Variants in FAM184A observed in about 807,000 individuals in gnomAD.
The protein encoded by FAM184A is protein FAM184A.
In FAM184A, 99 loss-of-function variants were observed where a neutral mutation model predicts 143.8. The observed-to-expected ratio is 0.69, with a 90% CI of 0.58 to 0.81. The LOEUF is 0.81. Among genes scored for constraint, FAM184A ranks in the 40% least tolerant of loss-of-function variants. The pLI is 0.00. For missense variants in FAM184A, 1,217 were observed against 1,310.5 expected, an observed-to-expected ratio of 0.93 and a Z score of 1.10; for synonymous variants, 427 against 446.4, an observed-to-expected ratio of 0.96 and a Z score of 0.55.
At chr6:119,143,022 G>A (rs572576047) in intron 1 of FAM184A, among the ~76,000 whole-genome samples, 1 of 152,194 alleles carries the variant, frequency 6.6e-6, no homozygotes, top group African/African-American at 2.4e-5. Flanking sequence ...AACTAGGAGG[G>A]AGGTATGGGG....
intron 9 of FAM184A, among the ~76,000 whole-genome samples, chr6:118,992,955 TAATG>T (rs1213901791): frequency 6.6e-5 from 10 of 152,300 alleles, no homozygotes; most frequent in African/African-American, 2.2e-4. Flanking sequence ...AAATTTTAAT[TAATG>T]AATTTTGTTT....
chr6:119,144,703 C>T (rs1329730650), intron 1 of FAM184A, among the ~76,000 whole-genome samples: 2 of 152,244 alleles, frequency 1.3e-5, no homozygotes, highest in Admixed American at 6.5e-5. Context: ...TTTCTATGGA[C>T]TGTCCCTGCC....
chr6:119,066,184 T>C (rs1170036120), intron 1 of FAM184A, among the ~76,000 whole-genome samples: 1 of 152,202 alleles, frequency 6.6e-6, no homozygotes, highest in African/African-American at 2.4e-5. Context: ...GGTAACAATT[T>C]AACACCAAGT....
At chr6:119,056,739 C>T (rs1459217104) in intron 1 of FAM184A, among the ~76,000 whole-genome samples, 1 of 152,146 alleles carries the variant, frequency 6.6e-6, no homozygotes, top group East Asian at 1.9e-4. Flanking sequence ...CCAACCATCA[C>T]AAACATTCTG....
At chr6:118,966,981 G>T in intron 14 of FAM184A, 29 bp from the exon 15 acceptor site, 2 of 1,075,860 alleles carry the variant, frequency 1.9e-6, no homozygotes, top group Non-Finnish European at 2.8e-6. Flanking sequence ...TTAGCTCATT[G>T]ATATCACTCA....
chr6:119,017,918 G>A (rs935863892), intron 4 of FAM184A, among the ~76,000 whole-genome samples: 18 of 151,974 alleles, frequency 1.2e-4, no homozygotes, highest in East Asian at 9.6e-4. Context: ...CCTCTCTCTC[G>A]CTCTCTCTCT....
rs140274328 is a variant in FAM184A at position 118,990,507 on chromosome 6, T to C, written c.2089-10157A>G. On this transcript the variant is annotated intron_variant, in intron 9 of 17. Coordinates refer to ENST00000338891, the MANE Select transcript of FAM184A (RefSeq NM_024581.6). ...CCTGGCATGGCAATTGGTAAAGGCA[T>C]AGTAGTGCTGCTGGGTGGCAATACC... 1.0e-3 allele frequency among the ~76,000 whole-genome samples: 159 copies of C among 152,292 alleles called. No individual in the cohort carries two copies. The East Asian group carries it at 0.027, about 26-fold the overall frequency.
intron 1 of FAM184A, among the ~76,000 whole-genome samples, chr6:119,147,654 T>G (rs1772496876): frequency 1.3e-5 from 2 of 152,256 alleles, no homozygotes; most frequent in Admixed American, 1.3e-4. Flanking sequence ...GAAGCCAGGC[T>G]GCTGTCTCTG....
rs1162206616 is a variant in FAM184A, at chr6:119,006,438, T to C, written c.1815+9A>G. On this transcript the variant is annotated intron_variant, in intron 7 of 17. Transcript: ENST00000338891. ...CGCTGTTTAGATTGCAGTAGAATTA[T>C]GAAATTACCTCCACATTTAATAGAG... 6.2e-7 allele frequency: 1 copy of C among 1,606,200 alleles called. No homozygotes were observed. The highest frequency in any genetic ancestry group is 2.2e-5 in the East Asian group (1 of 44,814).
chr6:119,120,301 G>A (rs943511452), intron 1 of FAM184A, among the ~76,000 whole-genome samples: 2 of 152,160 alleles, frequency 1.3e-5, no homozygotes, highest in Non-Finnish European at 2.9e-5. Flanking sequence ...GAAACATAAT[G>A]TTTTCAAGGT....
At chr6:119,094,967 T>C (rs1482032864) in intron 1 of FAM184A, among the ~76,000 whole-genome samples, 2 of 152,198 alleles carry the variant, frequency 1.3e-5, no homozygotes, top group Non-Finnish European at 2.9e-5. Flanking sequence ...GCTTGCCCTG[T>C]ACACTTATAA....
chr6:119,046,453 A>G (rs610960), intron 1 of FAM184A, among the ~76,000 whole-genome samples: 129,544 of 151,930 alleles, frequency 0.85, 55,365 homozygotes, highest in East Asian at 0.96. Context: ...TCAAACTCCT[A>G]GCCTCAGGTG....
chr6:119,025,689 A>C, intron 1 of FAM184A: 1 of 496,414 alleles, frequency 2.0e-6, no homozygotes, highest in Non-Finnish European at 4.0e-6. Context: ...CACACGGTGA[A>C]ATTTTCATGA....
chr6:119,138,325 A>G (rs1188642789), intron 1 of FAM184A, among the ~76,000 whole-genome samples: 2 of 152,154 alleles, frequency 1.3e-5, no homozygotes, highest in African/African-American at 2.4e-5. Context: ...AATTACCGCA[A>G]ACTTGGATTA....
At chr6:119,136,235 G>A (rs939021605) in intron 1 of FAM184A, among the ~76,000 whole-genome samples, 1 of 128,924 alleles carries the variant, frequency 7.8e-6, no homozygotes, top group Non-Finnish European at 1.5e-5. Flanking sequence ...CCGAGATTGC[G>A]CCACTGCAGT....
intron 1 of FAM184A, among the ~76,000 whole-genome samples, chr6:119,088,825 CAAAT>C (rs1166207221): frequency 1.3e-5 from 2 of 152,144 alleles, no homozygotes; most frequent in African/African-American, 2.4e-5. Context: ...AGACTTCACA[CAAAT>C]AAGGAAAACA....
At chr6:118,977,785 TC>T (rs1783891291) in intron 11 of FAM184A, among the ~76,000 whole-genome samples, 1 of 152,152 alleles carries the variant, frequency 6.6e-6, no homozygotes, top group Admixed American at 6.5e-5. Flanking sequence ...AGAATCTTCG[TC>T]ATTGTACTGG....
chr6:118,979,632 G>A, intron 10 of FAM184A, 114 bp from the exon 11 acceptor site: 1 of 816,476 alleles, frequency 1.2e-6, no homozygotes, highest in Non-Finnish European at 1.8e-6. Context: ...AAATGTTTTA[G>A]GTTCATTTTC....
intron 1 of FAM184A, among the ~76,000 whole-genome samples, chr6:119,089,640 T>C (rs563686694): frequency 1.3e-5 from 2 of 152,312 alleles, no homozygotes; most frequent in Admixed American, 6.5e-5. Flanking sequence ...TTGTTGTATT[T>C]GTATGGATAT....
Sources: allele counts gnomAD v4.1 joint callset (sites outside exome capture counted in the v4.1 genomes callset), GRCh38; gene constraint gnomAD v4.1.1; transcripts MANE v1.5; gene names NCBI Gene and HGNC (gene_info 2026-07-23, HGNC 2026-07-21).